Variants in CAST observed in about 807,000 individuals in gnomAD.
CAST encodes calpastatin, also known as MIR583 host.
A neutral mutation model predicts 119.6 loss-of-function variants in CAST; 76 were observed. The ratio of observed to expected loss-of-function variants is 0.64; its 90% CI spans 0.53 to 0.77. The LOEUF is 0.77. Among genes scored for constraint, CAST ranks in the 30% least tolerant of loss-of-function variants. CAST has a pLI of 0.00. For synonymous variants in CAST, 319 were observed against 331.6 expected, an observed-to-expected ratio of 0.96 and a Z score of 0.41; for missense variants, 953 against 946.5, an observed-to-expected ratio of 1.01 and a Z score of -0.09.
intron 3 of CAST, among the ~76,000 whole-genome samples, chr5:96,716,493 G>A (rs1302765685): frequency 1.2e-4 from 18 of 152,144 alleles, no homozygotes; most frequent in Non-Finnish European, 1.5e-5. Flanking sequence ...TCAGATACTT[G>A]TTAAGCAACT....
intron 1 of CAST, among the ~76,000 whole-genome samples, chr5:96,608,236 A>T (rs116434779): frequency 0.01 from 1,581 of 152,322 alleles, 28 homozygotes; most frequent in African/African-American, 0.036. Flanking sequence ...CTTAACATAA[A>T]GTCCTCCAGG....
the CAST span, among the ~76,000 whole-genome samples, chr5:96,176,071 T>C: frequency 6.6e-6 from 1 of 152,190 alleles, no homozygotes; most frequent in Non-Finnish European, 1.5e-5. Flanking sequence ...TAAGGCTTTC[T>C]GAAATAAGAG....
chr5:96,425,064 GAAAGA>G, the CAST span, among the ~76,000 whole-genome samples: 64 of 137,662 alleles, frequency 4.6e-4, no homozygotes, highest in East Asian at 5.5e-3. Context: ...AAGAAAGAAA[GAAAGA>G]AAGAAAACGT....
chr5:96,737,378 A>G (rs534826138), intron 10 of CAST, among the ~76,000 whole-genome samples: 1 of 152,306 alleles, frequency 6.6e-6, no homozygotes, highest in Non-Finnish European at 1.5e-5. Flanking sequence ...AATAGATTCT[A>G]TTTGGAATAG....
intron 7 of CAST, 111 bp downstream of exon 7, chr5:96,729,320 G>A (rs1759977111): frequency 1.5e-6 from 1 of 667,114 alleles, no homozygotes; most frequent in South Asian, 1.9e-5. Flanking sequence ...TTGGATATTA[G>A]TTTTTTCAGC....
the CAST span, among the ~76,000 whole-genome samples, chr5:96,464,746 A>G: frequency 4.7e-4 from 71 of 152,232 alleles, no homozygotes; most frequent in East Asian, 1.9e-4. Flanking sequence ...GCATAAATGT[A>G]TAACCTAATG....
At chr5:96,117,472 C>T in the CAST span, among the ~76,000 whole-genome samples, 2 of 152,098 alleles carry the variant, frequency 1.3e-5, no homozygotes, top group African/African-American at 4.8e-5. Flanking sequence ...GGTAGCTGTT[C>T]AGTTCTCAAG....
chr5:96,035,165 ATATATTT>A, the CAST span, among the ~76,000 whole-genome samples: 2 of 142,778 alleles, frequency 1.4e-5, no homozygotes, highest in African/African-American at 5.1e-5. Context: ...ACTTCAAAAT[ATATATTT>A]TGAAGTATAT....
the CAST span, among the ~76,000 whole-genome samples, chr5:96,250,091 A>G: frequency 6.6e-6 from 1 of 152,128 alleles, no homozygotes; most frequent in Non-Finnish European, 1.5e-5. Flanking sequence ...TTCACTTCCC[A>G]AACATAAATC....
the CAST span, among the ~76,000 whole-genome samples, chr5:95,976,888 G>A: frequency 6.6e-6 from 1 of 152,096 alleles, no homozygotes; most frequent in African/African-American, 2.4e-5. Context: ...TCCAGTTGGT[G>A]TATTTGGCTG....
the CAST span, among the ~76,000 whole-genome samples, chr5:96,280,289 A>C: frequency 5.3e-5 from 8 of 152,040 alleles, no homozygotes; most frequent in Admixed American, 1.3e-4. Flanking sequence ...CCCAGTCCCC[A>C]CACACACACT....
chr5:96,389,904 T>C, the CAST span, among the ~76,000 whole-genome samples: 3 of 151,882 alleles, frequency 2.0e-5, no homozygotes, highest in Non-Finnish European at 4.4e-5. Flanking sequence ...CATTGCACTG[T>C]AGTCCGGGCA....
chr5:96,422,442 C>T, the CAST span, among the ~76,000 whole-genome samples: 1 of 152,188 alleles, frequency 6.6e-6, no homozygotes. Context: ...ACTAAATAAA[C>T]ATGTAATTTA....
At chr5:96,222,157 T>G in the CAST span, among the ~76,000 whole-genome samples, 1 of 152,010 alleles carries the variant, frequency 6.6e-6, no homozygotes, top group Non-Finnish European at 1.5e-5. Context: ...ATAAAACTAC[T>G]AGAAAAAACC....
intron 3 of CAST, chr5:96,714,881 C>T (rs1426978442): frequency 1.3e-5 from 2 of 152,114 alleles, no homozygotes; most frequent in East Asian, 1.9e-4. Context: ...GAACTGGAAG[C>T]TCAACTTCAT....
the CAST span, among the ~76,000 whole-genome samples, chr5:96,353,503 T>C: frequency 9.2e-5 from 14 of 152,316 alleles, 1 homozygote; most frequent in South Asian, 2.9e-3. Flanking sequence ...GAGGGTGTTT[T>C]CAGAAGAGAT....
rs563299888 is a variant in CAST, at chr5:96,694,935, G to A, written c.139-901G>A. 3.9e-5 allele frequency among the ~76,000 whole-genome samples: 6 copies of A among 152,160 alleles called. No individual in the cohort carries two copies. In the East Asian group the frequency reaches 5.8e-4, roughly 15 times the overall value. The stretch of plus-strand genomic sequence containing the variant: ...CTATTTTATAATTTAACTTTTCTTC[G>A]TATAAAATATGAATAATATGTTTTT... On this transcript the variant is annotated intron_variant, in intron 2 of 31. Transcript: ENST00000675179.
At chr5:96,309,089 G>A in the CAST span, among the ~76,000 whole-genome samples, 2 of 152,212 alleles carry the variant, frequency 1.3e-5, no homozygotes, top group Non-Finnish European at 2.9e-5. Flanking sequence ...TTTGTCCCAG[G>A]GAGATGGGGC....
chr5:96,397,335 C>T, the CAST span: 1 of 1,612,696 alleles, frequency 6.2e-7, no homozygotes, highest in Non-Finnish European at 8.5e-7. Flanking sequence ...TTCACACTTA[C>T]CATGTCTGTA....
Sources: gnomAD v4.1 joint callset for allele counts (sites outside exome capture counted in the v4.1 genomes callset) on GRCh38, gnomAD v4.1.1 for gene constraint, MANE v1.5 for transcripts, NCBI Gene and HGNC (gene_info 2026-07-23, HGNC 2026-07-21) for gene names.